Variants in JAK2 observed in about 807,000 individuals in gnomAD.
JAK2 encodes the protein Janus kinase 2, also known as tyrosine-protein kinase JAK2.
Under a neutral mutation model 139.3 loss-of-function variants are expected in JAK2, and 86 were observed. The observed-to-expected ratio is 0.62, with a 90% confidence interval of 0.52 to 0.74. The LOEUF (loss-of-function observed/expected upper bound fraction) is 0.74. Ranked by LOEUF, JAK2 falls within the 30% of genes least tolerant of loss-of-function variation. JAK2 has a pLI of 0.00. For missense variants in JAK2, 1,421 were observed against 1,360.3 expected (o/e 1.04, Z -0.70); for synonymous variants, 490 against 437.7 (o/e 1.12, Z -1.49).
intron 14 of JAK2, among the ~76,000 whole-genome samples, chr9:5,074,568 T>C (rs1268473726): frequency 6.6e-6 from 1 of 152,226 alleles, no homozygotes; most frequent in Non-Finnish European, 1.5e-5. Flanking sequence ...GCAAACTTCA[T>C]AGATGAATGC....
At chr9:5,111,800 G>A (rs908287679) in intron 22 of JAK2, 4 of 423,442 alleles carry the variant, frequency 9.4e-6, no homozygotes, top group African/African-American at 2.1e-5. Flanking sequence ...CTTGGCCCCC[G>A]GAGCCACGTA....
chr9:5,007,803 C>G (rs1192752641), intron 2 of JAK2, among the ~76,000 whole-genome samples: 1 of 151,806 alleles, frequency 6.6e-6, no homozygotes, highest in Non-Finnish European at 1.5e-5. Context: ...CCTTGGCTCA[C>G]TGCAATCTCT....
At chr9:4,991,672 A>G (rs1820258257) in intron 2 of JAK2, among the ~76,000 whole-genome samples, 1 of 152,076 alleles carries the variant, frequency 6.6e-6, no homozygotes, top group Non-Finnish European at 1.5e-5. Flanking sequence ...GACAAAAACC[A>G]GCAAACTCTT....
At chr9:5,053,239 C>G (rs1004815260) in intron 6 of JAK2, among the ~76,000 whole-genome samples, 1 of 152,014 alleles carries the variant, frequency 6.6e-6, no homozygotes. Context: ...TGTTTGGCAT[C>G]TTTTCATGTA....
chr9:5,002,315 A>G (rs1057340858), intron 2 of JAK2, among the ~76,000 whole-genome samples: 2 of 151,880 alleles, frequency 1.3e-5, no homozygotes, highest in African/African-American at 4.8e-5. Context: ...TTTTAGCTGT[A>G]TTCCCCCAAA....
chr9:5,010,475 T>C (rs7870811), intron 2 of JAK2, among the ~76,000 whole-genome samples: 13,481 of 151,986 alleles, frequency 0.089, 1,754 homozygotes, highest in African/African-American at 0.29. Context: ...CGTGTACCAC[T>C]ATGCCCGGCT....
chr9:5,118,985 C>T (rs890674751), intron 22 of JAK2, among the ~76,000 whole-genome samples: 3 of 152,090 alleles, frequency 2.0e-5, no homozygotes, highest in African/African-American at 4.8e-5. Flanking sequence ...TACACTTTCA[C>T]GTGGATGTAC....
intron 22 of JAK2, among the ~76,000 whole-genome samples, chr9:5,121,900 G>A (rs191710615): frequency 1.6e-3 from 237 of 152,288 alleles, no homozygotes; most frequent in Non-Finnish European, 2.8e-3. Flanking sequence ...TTTGCAAGGA[G>A]TGAGGGAATA....
At chr9:5,107,317 G>A (rs1462241483) in intron 22 of JAK2, among the ~76,000 whole-genome samples, 1 of 151,964 alleles carries the variant, frequency 6.6e-6, no homozygotes, top group Non-Finnish European at 1.5e-5. Context: ...TATTTATATA[G>A]ATAAATCCAG....
intron 8 of JAK2, among the ~76,000 whole-genome samples, chr9:5,058,647 C>T (rs191922183): frequency 3.5e-4 from 54 of 152,246 alleles, no homozygotes; most frequent in African/African-American, 1.0e-3. Context: ...TCCATAGCAG[C>T]GGCACCATTT....
At chr9:5,002,459 T>G (rs1820980825) in intron 2 of JAK2, among the ~76,000 whole-genome samples, 1 of 152,016 alleles carries the variant, frequency 6.6e-6, no homozygotes, top group Admixed American at 6.5e-5. Context: ...TTTTGATATT[T>G]ATTTCTAATT....
At chr9:5,057,494 A>T (rs1817846074) in intron 8 of JAK2, among the ~76,000 whole-genome samples, 2 of 151,560 alleles carry the variant, frequency 1.3e-5, no homozygotes, top group Admixed American at 1.3e-4. Flanking sequence ...GAACTCTTTT[A>T]TCTTGCAAAA....
At chr9:5,059,236 C>T (rs1229149649) in intron 8 of JAK2, among the ~76,000 whole-genome samples, 1 of 152,158 alleles carries the variant, frequency 6.6e-6, no homozygotes, top group Non-Finnish European at 1.5e-5. Context: ...ATATTCACCT[C>T]CACCCCTAAC....
intron 2 of JAK2, among the ~76,000 whole-genome samples, chr9:4,997,085 G>A (rs189439449): frequency 1.3e-5 from 2 of 151,726 alleles, no homozygotes; most frequent in African/African-American, 4.8e-5. Flanking sequence ...AGTGCCACTA[G>A]GCCTGGCTAA....
chr9:5,034,756 T>C (rs1823444449), intron 4 of JAK2, among the ~76,000 whole-genome samples: 1 of 152,012 alleles, frequency 6.6e-6, no homozygotes, highest in Non-Finnish European at 1.5e-5. Context: ...GAGGGAAATT[T>C]ATAGCACTAA....
intron 8 of JAK2, among the ~76,000 whole-genome samples, chr9:5,063,966 G>A (rs925607326): frequency 5.9e-5 from 9 of 152,298 alleles, no homozygotes; most frequent in African/African-American, 2.2e-4. Context: ...GACCAGCCTG[G>A]CCAACATGTT....
intron 22 of JAK2, among the ~76,000 whole-genome samples, chr9:5,101,543 T>A (rs1461400551): frequency 6.6e-6 from 1 of 152,234 alleles, no homozygotes; most frequent in Non-Finnish European, 1.5e-5. Context: ...ACCAGCATGG[T>A]GTTTGAGCTC....
intron 22 of JAK2, among the ~76,000 whole-genome samples, chr9:5,101,456 C>T (rs1349473452): frequency 1.3e-5 from 2 of 152,232 alleles, no homozygotes; most frequent in East Asian, 3.9e-4. Context: ...GGGGGCAGGG[C>T]ATAGCTGAAA....
chr9:4,997,241 T>C (rs1420422811), intron 2 of JAK2, among the ~76,000 whole-genome samples: 2 of 152,154 alleles, frequency 1.3e-5, no homozygotes, highest in Admixed American at 1.3e-4. Context: ...CCTGTTAGTC[T>C]GTTCTTGCAT....
Sources: allele counts gnomAD v4.1 joint callset (sites outside exome capture counted in the v4.1 genomes callset), GRCh38; gene constraint gnomAD v4.1.1; transcripts MANE v1.5; gene names NCBI Gene and HGNC (gene_info 2026-07-23, HGNC 2026-07-21).